The following PRDM14 variants were observed in gnomAD, a reference collection of about 807,000 sequenced individuals.
PRDM14 encodes PR domain zinc finger protein 14.
A neutral mutation model predicts 48.0 loss-of-function variants in PRDM14; 16 were observed. The ratio of observed to expected loss-of-function variants is 0.33; its 90% CI spans 0.23 to 0.51. The LOEUF (loss-of-function observed/expected upper bound fraction) is 0.51, where lower values mean the gene tolerates loss of function less well. PRDM14 is among the 20% of genes least tolerant of loss of function. The probability of loss-of-function intolerance (pLI) is 0.97; values close to 1 mark genes in which losing one functional copy is unlikely to be tolerated. For synonymous variants in PRDM14, 264 were observed against 276.6 expected, an observed-to-expected ratio of 0.95 and a Z score of 0.45; for missense variants, 566 against 719.6, an observed-to-expected ratio of 0.79 and a Z score of 2.44.
At chr8:70,064,523 C>CA (rs1310560862) in intron 5 of PRDM14, among the ~76,000 whole-genome samples, 1 of 136,174 alleles carries the variant, frequency 7.3e-6, no homozygotes, top group African/African-American at 2.7e-5. Context: ...ATGCAATTTA[C>CA]TTTTTTTTTT....
chr8:70,054,554 T>C (rs113893748), intron 7 of PRDM14, among the ~76,000 whole-genome samples: 3,069 of 149,638 alleles, frequency 0.021, 129 homozygotes, highest in African/African-American at 0.072. Context: ...GAGTTTCACT[T>C]TGCCACTCAG....
chr8:70,066,540 T>C (rs1356855160), intron 4 of PRDM14, 35 bp from the exon 5 acceptor site: 2 of 1,561,978 alleles, frequency 1.3e-6, no homozygotes, highest in Non-Finnish European at 1.7e-6. Context: ...TGTATTGTAC[T>C]TCTTTTTTGG....
chr8:70,068,415 G>C, intron 3 of PRDM14, 28 bp from the exon 4 acceptor site: 1 of 1,614,184 alleles, frequency 6.2e-7, no homozygotes, highest in Non-Finnish European at 8.5e-7. Flanking sequence ...CAGGAAAAGA[G>C]AATGAGGAGA....
intron 5 of PRDM14, among the ~76,000 whole-genome samples, chr8:70,061,188 G>A (rs1805576255): frequency 1.3e-5 from 2 of 152,120 alleles, no homozygotes; most frequent in Non-Finnish European, 2.9e-5. Context: ...GGGGGAAGGC[G>A]AGAGAACAGG....
intron 4 of PRDM14, among the ~76,000 whole-genome samples, chr8:70,066,900 A>T (rs998102617): frequency 1.1e-4 from 16 of 152,012 alleles, no homozygotes; most frequent in African/African-American, 2.7e-4. Context: ...AAATTTTTTT[A>T]AAAAAATTTT....
At chr8:70,058,400 C>A (rs1805516996) in intron 6 of PRDM14, among the ~76,000 whole-genome samples, 1 of 152,188 alleles carries the variant, frequency 6.6e-6, no homozygotes, top group African/African-American at 2.4e-5. Flanking sequence ...GTCCAGGTGG[C>A]CGTGGACACT....
chr8:70,068,381 C>G lies in PRDM14; in HGVS notation c.761G>C (p.Cys254Ser). The change falls in exon 4 of 8, where the codon TGC becomes TCC. Residue 254 changes from cysteine to serine, a missense_variant. By Grantham distance (112) the Cys-to-Ser change is moderately radical. Coordinates refer to ENST00000276594, the MANE Select transcript of PRDM14 (RefSeq NM_024504.4). Reference protein sequence around the residue: ...KDSLQLPEGLCLMQTVFGEVP... With the variant: ...KDSLQLPEGLSLMQTVFGEVP... Reference sequence around the variant, plus strand: ...TTCACCAAACACCGTCTGCATGAGGCATAGACCTAGGGGAAAGCCGAGGCA... The same window carrying G: ...TTCACCAAACACCGTCTGCATGAGGGATAGACCTAGGGGAAAGCCGAGGCA... 6.2e-7 allele frequency: 1 copy of G among 1,614,182 alleles called. No homozygotes were observed. The highest frequency in any genetic ancestry group is 8.5e-7 in the Non-Finnish European group (1 of 1,180,044).
chr8:70,053,754 C>T (rs1364565639), intron 7 of PRDM14, among the ~76,000 whole-genome samples: 1 of 152,142 alleles, frequency 6.6e-6, no homozygotes, highest in South Asian at 2.1e-4. Context: ...GTATTAGTTG[C>T]TCTAATCTGG....
At chr8:70,062,537 G>A (rs186655778) in intron 5 of PRDM14, among the ~76,000 whole-genome samples, 22 of 150,964 alleles carry the variant, frequency 1.5e-4, no homozygotes, top group Middle Eastern at 3.4e-3. Context: ...AATCTTGCTC[G>A]GTCTGCAACC....
rs894295414 is a variant in PRDM14 at position 70,071,097 on chromosome 8, G to C, written c.-25+53C>G. 6.6e-6 allele frequency: 1 copy of C among 152,120 alleles called. No homozygotes were observed. The highest frequency in any genetic ancestry group is 2.4e-5 in the African/African-American group (1 of 41,458). The allele number at this position is 152,120 out of a possible 1,614,324, so 9.4% of individuals were successfully genotyped here. ...AGCGAGTGCTGCCGCCCTCCCCAAC[G>C]GCCCTGGAAGACCACCGCCCCGGGC... On this transcript the variant is annotated intron_variant, in intron 1 of 7. Coordinates refer to ENST00000276594, the MANE Select transcript of PRDM14 (RefSeq NM_024504.4). This position sits in a 1 kb window ranked among gnomAD's most constrained non-coding sequence, Gnocchi z 5.2.
In PRDM14 at chr8:70,069,672, G is replaced by A. The variant is rs772784228; in HGVS notation, c.189C>T (p.Ala63=). The change falls in exon 2 of 8, where the codon GCC becomes GCT. Residue 63 remains alanine (A), a synonymous_variant. Coordinates refer to ENST00000276594, the MANE Select transcript of PRDM14 (RefSeq NM_024504.4). ...FRQLEAAASA[A]PAMPPFPFRM... The stretch of plus-strand genomic sequence containing the variant: ...GGAAGGGGAAGGGGGGCATGGCGGG[G>A]GCAGCAGACGCTGCGGCCTCCAGCT... 15 of 1,550,646 alleles carry A rather than the reference G, an allele frequency of 9.7e-6. No homozygotes were observed. The East Asian group carries it at 3.6e-4, about 38-fold the overall frequency.
Position 70,066,465 on chromosome 8 carries a change from T to C in PRDM14, c.953A>G (p.Lys318Arg), listed in dbSNP as rs375010137. The change falls in exon 5 of 8, where the codon AAA becomes AGA. Residue 318 changes from lysine to arginine, a missense_variant. Physicochemically the swap from Lys to Arg is conservative, Grantham distance 26. This residue lies in a region of PRDM14 where 410 missense variants were observed against 424.6 expected (regional missense o/e 0.97). Coordinates refer to ENST00000276594, the MANE Select transcript of PRDM14 (RefSeq NM_024504.4). Reference protein sequence around the residue: ...DGHLSHFIDGKGGTGNWMSYV... With the variant: ...DGHLSHFIDGRGGTGNWMSYV... Reference sequence around the variant, plus strand: ...GGACATCCAGTTCCCCGTACCTCCTTTTCCATCTATAAAGTGGCTCAAATG... The same window carrying C: ...GGACATCCAGTTCCCCGTACCTCCTCTTCCATCTATAAAGTGGCTCAAATG... 6.2e-7 allele frequency: 1 copy of C among 1,614,132 alleles called. No homozygotes were observed.
rs1585647399 is a variant in PRDM14, at chr8:70,055,538, A to G, written c.1387-137T>C. The G allele has an allele frequency of 2.1e-5, 11 of 525,956 alleles. No individual in the cohort carries two copies. In the East Asian group the frequency reaches 2.7e-4, roughly 13 times the overall value. 32.6% of individuals were successfully genotyped at this position (525,956 alleles called of 1,614,324 possible). ...TTTTTTTTTTTGAGACGGGATCTCA[A>G]TTTGTTACCCAGACTGGACTGCAGT... On this transcript the variant is annotated intron_variant, in intron 6 of 7. Coordinates refer to ENST00000276594, the MANE Select transcript of PRDM14 (RefSeq NM_024504.4).
At chr8:70,064,407 C>T (rs1207948654) in intron 5 of PRDM14, among the ~76,000 whole-genome samples, 1 of 152,064 alleles carries the variant, frequency 6.6e-6, no homozygotes, top group Non-Finnish European at 1.5e-5. Flanking sequence ...CTAATGTCTT[C>T]CTCTCAGTCA....
intron 1 of PRDM14, among the ~76,000 whole-genome samples, chr8:70,070,439 C>T (rs1012963699): frequency 1.3e-5 from 2 of 152,256 alleles, no homozygotes; most frequent in South Asian, 2.1e-4. Context: ...GGTCGCACCG[C>T]GCAGATGGAG....
chr8:70,069,598 G>C lies in PRDM14; in HGVS notation c.263C>G (p.Pro88Arg), dbSNP rs1173357975. ...GCTGTACCAGGGCAGATCGTAGAGA[G>C]GCTCCCTCTGTAGGCCCAGACCCGG... ...LSPGLGLQRE[P>R]LYDLPWYSKL... The change falls in exon 2 of 8, where the codon CCT becomes CGT. Residue 88 changes from proline (P) to arginine (R), a missense_variant. Around this residue, in one of 3 missense-constraint regions of PRDM14, gnomAD observed 410 missense variants for 424.6 expected, o/e 0.97. Coordinates refer to ENST00000276594, the MANE Select transcript of PRDM14 (RefSeq NM_024504.4). The C allele has an allele frequency of 6.3e-7, 1 of 1,591,632 alleles. No individual in the cohort carries two copies. The highest frequency in any genetic ancestry group is 8.6e-7 in the Non-Finnish European group (1 of 1,169,588).
In PRDM14 at chr8:70,058,790, T is replaced by C; in HGVS notation, c.1236A>G (p.Lys412=). ...ACTTGAGGTGCTTATCTCTGTAATA[T>C]TTGTAGGTAAATACCTTCCCACATC... ...CERCGKVFTY[K]YYRDKHLKYT... is the part of the protein sequence containing the mutation. The change falls in exon 6 of 8, where the codon AAA becomes AAG. Residue 412 remains lysine (K), a synonymous_variant. Transcript: ENST00000276594. 2 of 1,614,174 alleles carry C rather than the reference T, an allele frequency of 1.2e-6. No individual in the cohort carries two copies. Among genetic ancestry groups the C allele is most frequent in the Non-Finnish European group, 1.7e-6 (2 of 1,180,008 alleles).
chr8:70,055,471 T>C, intron 6 of PRDM14, 70 bp from the exon 7 acceptor site: 1 of 870,820 alleles, frequency 1.1e-6, no homozygotes, highest in Non-Finnish European at 1.9e-6. Context: ...ACCTTGCGTT[T>C]ACCTGGGGTT....
rs770890584 is a variant in PRDM14, at chr8:70,052,068, C to T, written c.*9G>A. 4 of 1,575,050 alleles carry T rather than the reference C, an allele frequency of 2.5e-6. No homozygotes were observed. The highest frequency in any genetic ancestry group is 2.7e-5 in the African/African-American group (2 of 74,326). The stretch of plus-strand genomic sequence containing the variant: ...GGATTACAGGCGTGAGTCATTGTGC[C>T]TGGCAGGGCTAGTAGTCTTCATGAA... On this transcript the variant is annotated 3_prime_UTR_variant, in exon 8 of 8. Coordinates refer to ENST00000276594, the MANE Select transcript of PRDM14 (RefSeq NM_024504.4).
Sources: gnomAD v4.1 joint callset for allele counts (sites outside exome capture counted in the v4.1 genomes callset) on GRCh38, gnomAD v4.1.1 for gene constraint, gnomAD v4.1.1 regional missense constraint, Gnocchi (gnomAD v3.1) non-coding constraint, MANE v1.5 for transcripts, NCBI Gene and HGNC (gene_info 2026-07-23, HGNC 2026-07-21) for gene names.